The following KDM4B variants were observed in gnomAD, a reference collection of about 807,000 sequenced individuals.
KDM4B encodes lysine demethylase 4B.
In KDM4B, 32 loss-of-function variants were observed where a neutral mutation model predicts 125.2. That is an observed-to-expected ratio of 0.26 (90% CI 0.19 to 0.34). The LOEUF (loss-of-function observed/expected upper bound fraction) is 0.34, where lower values mean the gene tolerates loss of function less well. Among genes scored for constraint, KDM4B ranks in the 10% least tolerant of loss-of-function variants. The probability of loss-of-function intolerance (pLI) is 1.00; values close to 1 mark genes in which losing one functional copy is unlikely to be tolerated. For synonymous variants in KDM4B, 721 were observed against 677.9 expected (o/e 1.06, Z -0.99); for missense variants, 1,190 against 1,577.7 (o/e 0.75, Z 4.16).
chr19:5,148,118 A>G (rs2039883347), intron 21 of KDM4B, among the ~76,000 whole-genome samples: 1 of 152,248 alleles, frequency 6.6e-6, no homozygotes, highest in African/African-American at 2.4e-5. Flanking sequence ...TGCTTCTGAG[A>G]CGTGCCGGGC....
chr19:4,983,678 C>T (rs1316877271), intron 1 of KDM4B, among the ~76,000 whole-genome samples: 1 of 152,152 alleles, frequency 6.6e-6, no homozygotes, highest in Non-Finnish European at 1.5e-5. Context: ...AAGAGAATGG[C>T]AGGAAGTTGG....
chr19:5,153,350 G>A lies in KDM4B; in HGVS notation c.*1839G>A, dbSNP rs775230377. ...GCGGGCGGGTGCCCCTGCTGCCCTTGTCCCTTGGGGGTCACACCCATCCCC... is the reference window on the plus strand; with the variant it reads ...GCGGGCGGGTGCCCCTGCTGCCCTTATCCCTTGGGGGTCACACCCATCCCC... On this transcript the variant is annotated 3_prime_UTR_variant, in exon 23 of 23. Transcript: ENST00000159111. The A allele has an allele frequency of 2.6e-5, 4 of 152,272 alleles. No homozygotes were observed. The highest frequency in any genetic ancestry group is 5.9e-5 in the Non-Finnish European group (4 of 68,094). 9.4% of individuals were successfully genotyped at this position (152,272 alleles called of 1,614,324 possible). A position where few individuals can be genotyped will look rare whatever the true frequency, so the allele number is the denominator to read the frequency against.
At chr19:5,032,495 G>A (rs1599458785) in intron 2 of KDM4B, among the ~76,000 whole-genome samples, 2 of 152,198 alleles carry the variant, frequency 1.3e-5, no homozygotes, top group South Asian at 2.1e-4. Context: ...TCTCTCGTGC[G>A]GATCAGGCTC....
At position 5,040,253 on chromosome 19, in the gene KDM4B, CG is replaced by C. The variant is rs1465572476; in HGVS notation, c.317+244del. Among the ~76,000 whole-genome samples the C allele has an allele frequency of 2.0e-5, 3 of 152,178 alleles. No individual in the cohort carries two copies. In the East Asian group the frequency reaches 5.8e-4, roughly 29 times the overall value. ...CCAGGGCTTCCCAGTGCATGTCGGG[CG>C]GTGTCCTGGTCCCCGGCCTGGGAGC... On this transcript the variant is annotated intron_variant, in intron 4 of 22. Coordinates refer to ENST00000159111, the MANE Select transcript of KDM4B (RefSeq NM_015015.3).
intron 1 of KDM4B, among the ~76,000 whole-genome samples, chr19:4,991,091 C>A (rs1488746092): frequency 6.6e-6 from 1 of 152,108 alleles, no homozygotes; most frequent in Non-Finnish European, 1.5e-5. Flanking sequence ...GCACTCCTGC[C>A]TGGGCGACAG....
At chr19:5,137,220 C>T in intron 15 of KDM4B, 42 bp from the exon 16 acceptor site, 1 of 1,503,260 alleles carries the variant, frequency 6.7e-7, no homozygotes, top group South Asian at 1.2e-5. Context: ...CCCCAAGTCT[C>T]ACCTGCCCCC....
intron 12 of KDM4B, 66 bp downstream of exon 12, chr19:5,131,611 A>AGGTGG: frequency 6.1e-6 from 1 of 165,052 alleles, no homozygotes; most frequent in African/African-American, 5.4e-5. Flanking sequence ...AGGAGGGGGC[A>AGGTGG]GGTGGGGCAC....
At chr19:5,108,207 C>G (rs1426855034) in intron 9 of KDM4B, among the ~76,000 whole-genome samples, 1 of 152,240 alleles carries the variant, frequency 6.6e-6, no homozygotes, top group Non-Finnish European at 1.5e-5. Flanking sequence ...CCGCTCAATA[C>G]AAATCCCCTA....
Position 5,151,566 on chromosome 19 carries a change from CG to C in KDM4B, c.*58del, listed in dbSNP as rs1271126493. The C allele has an allele frequency of 1.6e-6, 2 of 1,270,314 alleles. No homozygotes were observed. The highest frequency in any genetic ancestry group is 6.3e-5 in the East Asian group (2 of 31,804). 78.7% of individuals were successfully genotyped at this position (1,270,314 alleles called of 1,614,324 possible). ...CCGGCGGGGAGGCCATGGCATGCCC[CG>C]GGCGTTCGCTTGCTGTGAATTCCTG... On this transcript the variant is annotated 3_prime_UTR_variant, in exon 23 of 23. Coordinates refer to ENST00000159111, the MANE Select transcript of KDM4B (RefSeq NM_015015.3).
intron 1 of KDM4B, among the ~76,000 whole-genome samples, chr19:5,014,823 G>A (rs1400514526): frequency 6.6e-6 from 1 of 151,802 alleles, no homozygotes; most frequent in African/African-American, 2.4e-5. Flanking sequence ...GTGAAACCCC[G>A]TCTCTACTAA....
chr19:4,970,340 GAGA>G (rs1279824570), intron 1 of KDM4B, among the ~76,000 whole-genome samples: 1 of 152,228 alleles, frequency 6.6e-6, no homozygotes, highest in Non-Finnish European at 1.5e-5. Flanking sequence ...TGAAACTAGT[GAGA>G]AGGTGGTTCA....
At chr19:5,014,078 T>C (rs2035814497) in intron 1 of KDM4B, among the ~76,000 whole-genome samples, 1 of 152,258 alleles carries the variant, frequency 6.6e-6, no homozygotes, top group Admixed American at 6.5e-5. Context: ...CCAGTGATTT[T>C]AAAAAGCAGA....
At position 5,068,964 on chromosome 19, in the gene KDM4B, A is replaced by G. The variant is rs140630743; in HGVS notation, c.627-2046A>G. 4.6e-5 allele frequency among the ~76,000 whole-genome samples: 7 copies of G among 152,322 alleles called. No individual in the cohort carries two copies. The East Asian group carries it at 1.4e-3, about 29-fold the overall frequency. On this transcript the variant is annotated intron_variant, in intron 6 of 22. Coordinates refer to ENST00000159111, the MANE Select transcript of KDM4B (RefSeq NM_015015.3). The stretch of plus-strand genomic sequence containing the variant: ...TTAATCATCGCAGCCTTGGAGCCAT[A>G]AATTAGTTCCTTCCCGTCCCCAGCA...
chr19:5,008,591 C>CTTTT (rs550611814), intron 1 of KDM4B, among the ~76,000 whole-genome samples: 2 of 135,548 alleles, frequency 1.5e-5, no homozygotes, highest in Non-Finnish European at 3.2e-5. Flanking sequence ...TTTTCTTTTT[C>CTTTT]TTTTTTTTTT....
chr19:5,150,280 G>C (rs2039923532), intron 21 of KDM4B, 78 bp from the exon 22 acceptor site: 1 of 1,263,008 alleles, frequency 7.9e-7, no homozygotes, highest in South Asian at 1.3e-5. Context: ...TGGCCTCCCA[G>C]CTCTTGAGGC....
intron 9 of KDM4B, among the ~76,000 whole-genome samples, chr19:5,095,695 C>A (rs1302292945): frequency 2.0e-5 from 3 of 152,210 alleles, no homozygotes; most frequent in African/African-American, 7.2e-5. Context: ...CCAGGGTGGA[C>A]CCCTCAACCT....
At chr19:4,996,691 C>A (rs528505710) in intron 1 of KDM4B, among the ~76,000 whole-genome samples, 31 of 152,336 alleles carry the variant, frequency 2.0e-4, no homozygotes, top group South Asian at 1.4e-3. Flanking sequence ...GGGGACAGCT[C>A]TGGTCTCTGC....
intron 9 of KDM4B, among the ~76,000 whole-genome samples, chr19:5,092,598 C>T (rs982588332): frequency 3.9e-5 from 6 of 152,224 alleles, no homozygotes; most frequent in Non-Finnish European, 1.5e-5. Flanking sequence ...TCTTCTCTAC[C>T]ATCCTTCATG....
In KDM4B at chr19:5,151,729, G is replaced by A. The variant is rs1212866948; in HGVS notation, c.*218G>A. ...GCGGGCTCGGGGGCCGGCCAGGGGA[G>A]CACCCCACTCAACTACTCAGAATTT... On this transcript the variant is annotated 3_prime_UTR_variant, in exon 23 of 23. Coordinates refer to ENST00000159111, the MANE Select transcript of KDM4B (RefSeq NM_015015.3). The A allele has an allele frequency of 5.0e-6, 2 of 397,094 alleles. No homozygotes were observed. The highest frequency in any genetic ancestry group is 7.2e-5 in the East Asian group (2 of 27,768). 24.6% of individuals were successfully genotyped at this position (397,094 alleles called of 1,614,324 possible).
Sources: allele counts gnomAD v4.1 joint callset (sites outside exome capture counted in the v4.1 genomes callset), GRCh38; gene constraint gnomAD v4.1.1; transcripts MANE v1.5; gene names NCBI Gene and HGNC (gene_info 2026-07-23, HGNC 2026-07-21).